The following ADCY8 variants were observed in gnomAD, a reference collection of about 807,000 sequenced individuals.
ADCY8 encodes the protein adenylate cyclase 8, also known as adenylate cyclase type 8.
Under a neutral mutation model 119.7 loss-of-function variants are expected in ADCY8, and 51 were observed. The ratio of observed to expected loss-of-function variants is 0.43; its 90% confidence interval spans 0.34 to 0.54. The LOEUF (loss-of-function observed/expected upper bound fraction) is 0.54, where lower values mean the gene tolerates loss of function less well. Among genes scored for constraint, ADCY8 ranks in the 20% least tolerant of loss-of-function variants. ADCY8 has a pLI of 0.03. For missense variants in ADCY8, 1,383 were observed against 1,598.8 expected (o/e 0.87, Z 2.30); for synonymous variants, 665 against 651.0 (o/e 1.02, Z -0.33).
chr8:130,925,221 A>C (rs1014777175), intron 5 of ADCY8, among the ~76,000 whole-genome samples: 2 of 151,990 alleles, frequency 1.3e-5, no homozygotes, highest in East Asian at 1.9e-4. Context: ...CAAAACAAAA[A>C]ACAAAACAAA....
In ADCY8 at chr8:130,839,644, T is replaced by A. The variant is rs1488250784; in HGVS notation, c.2503-3195A>T. On this transcript the variant is annotated intron_variant, in intron 11 of 17. Transcript: ENST00000286355. The stretch of plus-strand genomic sequence containing the variant: ...TAACTTGGGAAGAAACTGGGCTCAA[T>A]GCAATTACTTAGTTTCTGTCAAAAA... Among the ~76,000 whole-genome samples, 4 of 140,488 alleles carry A rather than the reference T, an allele frequency of 2.8e-5. 2 individuals are homozygous for A. The highest frequency in any genetic ancestry group is 6.5e-5 in the Non-Finnish European group (4 of 61,986). The allele number at this position is 140,488 out of a possible 152,430, so 92.2% of individuals were successfully genotyped here. A position where few individuals can be genotyped will look rare whatever the true frequency, so the allele number is the denominator to read the frequency against.
rs774356932 is a variant in ADCY8 at position 131,039,713 on chromosome 8, G to T, written c.621C>A (p.Pro207=). The T allele has an allele frequency of 6.2e-7, 1 of 1,614,116 alleles. No homozygotes were observed. Among genetic ancestry groups the T allele is most frequent in the Non-Finnish European group, 8.5e-7 (1 of 1,180,024 alleles). ...LVLHLSLASA[P]MDPLKGILLG... is the part of the protein sequence containing the mutation. ...GCAGGATGCCCTTGAGCGGGTCCATGGGGGCCGAGGCCAGGCTCAAGTGTA... is the reference window on the plus strand; with the variant it reads ...GCAGGATGCCCTTGAGCGGGTCCATTGGGGCCGAGGCCAGGCTCAAGTGTA... The change falls in exon 1 of 18, where the codon CCC becomes CCA. Residue 207 remains proline, a synonymous_variant. Transcript: ENST00000286355.
chr8:130,809,854 C>T (rs744901), intron 14 of ADCY8, among the ~76,000 whole-genome samples: 36,608 of 152,184 alleles, frequency 0.24, 4,482 homozygotes, highest in East Asian at 0.26. Context: ...TTTCAGCATA[C>T]CCCTGGCTGC....
intron 9 of ADCY8, among the ~76,000 whole-genome samples, chr8:130,867,642 A>G (rs9694427): frequency 0.16 from 24,319 of 152,116 alleles, 2,502 homozygotes; most frequent in African/African-American, 0.29. Context: ...TAAGATTGGG[A>G]AAAAGATTAT....
chr8:130,882,451 A>G (rs1818812553), intron 8 of ADCY8, among the ~76,000 whole-genome samples: 1 of 152,082 alleles, frequency 6.6e-6, no homozygotes. Context: ...ACTGCATCCA[A>G]AGTTTGACAA....
chr8:130,784,351 C>A (rs1312843739), intron 16 of ADCY8, among the ~76,000 whole-genome samples: 1 of 152,142 alleles, frequency 6.6e-6, no homozygotes, highest in Non-Finnish European at 1.5e-5. Flanking sequence ...AAGGGAAGTG[C>A]TGCATAAGCC....
intron 9 of ADCY8, among the ~76,000 whole-genome samples, chr8:130,866,134 C>A (rs1344691597): frequency 6.6e-6 from 1 of 151,978 alleles, no homozygotes; most frequent in Non-Finnish European, 1.5e-5. Context: ...GGGTCTATCA[C>A]CCTTGTTTAT....
intron 15 of ADCY8, among the ~76,000 whole-genome samples, chr8:130,787,681 TC>T (rs973660764): frequency 5.3e-5 from 8 of 151,188 alleles, no homozygotes; most frequent in Non-Finnish European, 8.8e-5. Flanking sequence ...CACATGTATG[TC>T]CATGTATGTG....
At chr8:130,840,163 C>A (rs922130059) in intron 11 of ADCY8, among the ~76,000 whole-genome samples, 7 of 138,238 alleles carry the variant, frequency 5.1e-5, no homozygotes, top group African/African-American at 1.7e-4. Flanking sequence ...TTTTTTTAGG[C>A]CTATCAAGCT....
chr8:131,011,332 G>C (rs885380), intron 1 of ADCY8, among the ~76,000 whole-genome samples: 65,837 of 151,982 alleles, frequency 0.43, 14,596 homozygotes, highest in East Asian at 0.64. Flanking sequence ...AATTAGATAT[G>C]TTTTGAAGAC....
At chr8:131,020,430 T>C (rs1346778533) in intron 1 of ADCY8, among the ~76,000 whole-genome samples, 1 of 151,868 alleles carries the variant, frequency 6.6e-6, no homozygotes, top group Non-Finnish European at 1.5e-5. Context: ...AGAGGGAGAA[T>C]TGTTGGGGAT....
intron 5 of ADCY8, among the ~76,000 whole-genome samples, chr8:130,925,121 C>T (rs767799353): frequency 2.2e-4 from 34 of 152,040 alleles, no homozygotes; most frequent in Admixed American, 3.3e-4. Flanking sequence ...AGGAGAATTG[C>T]TTGAATCCGG....
At chr8:130,821,899 T>C (rs1346327434) in intron 12 of ADCY8, among the ~76,000 whole-genome samples, 1 of 152,130 alleles carries the variant, frequency 6.6e-6, no homozygotes, top group South Asian at 2.1e-4. Context: ...CATATGAGGA[T>C]TAAGAGGACC....
At chr8:130,977,082 C>G (rs888553747) in intron 2 of ADCY8, among the ~76,000 whole-genome samples, 3 of 152,152 alleles carry the variant, frequency 2.0e-5, no homozygotes, top group African/African-American at 7.2e-5. Context: ...AGAAATTGAT[C>G]AGAGGCTGGA....
intron 14 of ADCY8, among the ~76,000 whole-genome samples, chr8:130,811,732 A>T (rs1465790626): frequency 6.6e-6 from 1 of 152,190 alleles, no homozygotes; most frequent in Non-Finnish European, 1.5e-5. Flanking sequence ...ACCAAGGGTG[A>T]TGTAGTCCCT....
intron 2 of ADCY8, among the ~76,000 whole-genome samples, chr8:130,983,947 A>AT (rs1023547149): frequency 6.6e-6 from 1 of 152,188 alleles, no homozygotes. Flanking sequence ...TGAGCTTCCT[A>AT]TTTTTTCTTT....
Position 131,039,660 on chromosome 8 carries a change from A to G in ADCY8, c.674T>C (p.Val225Ala), listed in dbSNP as rs1824294560. The G allele has an allele frequency of 1.2e-6, 2 of 1,614,158 alleles. No individual in the cohort carries two copies. Among genetic ancestry groups the G allele is most frequent in the Non-Finnish European group, 1.7e-6 (2 of 1,180,032 alleles). The change falls in exon 1 of 18, where the codon GTG (valine) becomes GCG (alanine). Residue 225 changes from valine to alanine, a missense_variant. Coordinates refer to ENST00000286355, the MANE Select transcript of ADCY8 (RefSeq NM_001115.3). ...LLGFFTGIEV[V>A]ICALVVVRKD... is the part of the protein sequence containing the mutation. ...CCTGACCACCACCAGGGCGCAGATCACTACCTCAATGCCGGTGAAGAAGCC... is the reference window on the plus strand; with the variant it reads ...CCTGACCACCACCAGGGCGCAGATCGCTACCTCAATGCCGGTGAAGAAGCC...
At chr8:130,833,634 C>A (rs946221797) in intron 12 of ADCY8, among the ~76,000 whole-genome samples, 2 of 152,106 alleles carry the variant, frequency 1.3e-5, no homozygotes, top group Non-Finnish European at 2.9e-5. Context: ...GACTTCCCAG[C>A]CTCCAGAACT....
intron 15 of ADCY8, among the ~76,000 whole-genome samples, chr8:130,790,135 G>GC (rs1420437506): frequency 7.8e-5 from 7 of 89,994 alleles, no homozygotes; most frequent in African/African-American, 4.1e-4. Flanking sequence ...ACAAGTGCAT[G>GC]CTGCTTTGAG....
Sources: allele counts gnomAD v4.1 joint callset (sites outside exome capture counted in the v4.1 genomes callset), GRCh38; gene constraint gnomAD v4.1.1; transcripts MANE v1.5; gene names NCBI Gene and HGNC (gene_info 2026-07-23, HGNC 2026-07-21).